IGF2BP3: variants seen among roughly 807,000 people sequenced by gnomAD.
The protein encoded by IGF2BP3 is insulin like growth factor 2 mRNA binding protein 3, also known as insulin-like growth factor 2 mRNA-binding protein 3.
A neutral mutation model predicts 73.8 loss-of-function variants in IGF2BP3; 9 were observed. The observed-to-expected ratio is 0.12, with a 90% CI of 0.07 to 0.21. IGF2BP3 has a LOEUF of 0.21. IGF2BP3 is among the 10% of genes least tolerant of loss of function. IGF2BP3 has a pLI of 1.00. For missense variants in IGF2BP3, 542 were observed against 714.0 expected (o/e 0.76, Z 2.75); for synonymous variants, 258 against 256.7 (o/e 1.01, Z -0.05).
intron 10 of IGF2BP3, among the ~76,000 whole-genome samples, chr7:23,328,918 T>C (rs1451753739): frequency 6.6e-6 from 1 of 151,922 alleles, no homozygotes; most frequent in Admixed American, 6.6e-5. Context: ...TAGTAAAAAT[T>C]TAAAACAAGA....
intron 3 of IGF2BP3, chr7:23,362,512 T>C (rs1012320718): frequency 6.6e-6 from 1 of 152,216 alleles, no homozygotes; most frequent in Non-Finnish European, 1.5e-5. Context: ...AATTTGAAGC[T>C]GTCTATGTTT....
chr7:23,360,229 T>A (rs548581287), intron 5 of IGF2BP3, among the ~76,000 whole-genome samples: 8 of 152,140 alleles, frequency 5.3e-5, no homozygotes, highest in Non-Finnish European at 1.0e-4. Context: ...CATGCTTACA[T>A]ACACACGACA....
rs556188887 is a variant in IGF2BP3, at chr7:23,311,586, CTG to C, written c.*774_*775del. ...TTTGAACATTTGATTTAACTAATAACTGTGTCAAAAGCCTCAAAAAACCCTGA... is the reference window on the plus strand; with the variant it reads ...TTTGAACATTTGATTTAACTAATAACTGTCAAAAGCCTCAAAAAACCCTGA... On this transcript the variant is annotated 3_prime_UTR_variant, in exon 15 of 15. Coordinates refer to ENST00000258729, the MANE Select transcript of IGF2BP3 (RefSeq NM_006547.3). 1.7e-4 allele frequency: 26 copies of C among 152,430 alleles called. No homozygotes were observed. Among genetic ancestry groups the C allele is most frequent in the South Asian group, 4.1e-4 (2 of 4,832 alleles). The allele number at this position is 152,430 out of a possible 1,614,324, so 9.4% of individuals were successfully genotyped here. A position where few individuals can be genotyped will look rare whatever the true frequency, so the allele number is the denominator to read the frequency against.
intron 10 of IGF2BP3, among the ~76,000 whole-genome samples, chr7:23,334,724 C>G (rs900469885): frequency 2.0e-5 from 3 of 152,182 alleles, no homozygotes; most frequent in Admixed American, 6.5e-5. Context: ...CTTGAAATAA[C>G]AGAAGAACAA....
intron 2 of IGF2BP3, among the ~76,000 whole-genome samples, chr7:23,445,480 C>T (rs1218503847): frequency 6.6e-6 from 1 of 150,942 alleles, no homozygotes; most frequent in Non-Finnish European, 1.5e-5. Flanking sequence ...ACGGGTGTTT[C>T]GTATACACTA....
At chr7:23,335,311 C>G (rs1045576446) in intron 10 of IGF2BP3, among the ~76,000 whole-genome samples, 1 of 150,084 alleles carries the variant, frequency 6.7e-6, no homozygotes. Context: ...TGGACAAGGT[C>G]TCACTCTGTC....
intron 5 of IGF2BP3, 85 bp from the exon 6 acceptor site, chr7:23,351,671 C>T (rs1784966246): frequency 1.1e-5 from 16 of 1,397,620 alleles, no homozygotes; most frequent in Non-Finnish European, 1.5e-5. Context: ...ATCTCTTCTA[C>T]TCAGCATTAC....
intron 3 of IGF2BP3, among the ~76,000 whole-genome samples, chr7:23,399,388 A>G (rs1786587625): frequency 6.8e-6 from 1 of 147,776 alleles, no homozygotes; most frequent in African/African-American, 2.6e-5. Context: ...TTAAAGTATA[A>G]TAATAATAAA....
At chr7:23,386,665 A>G (rs565585956) in intron 3 of IGF2BP3, among the ~76,000 whole-genome samples, 1 of 152,372 alleles carries the variant, frequency 6.6e-6, no homozygotes, top group South Asian at 2.1e-4. Context: ...TCCACCCTCA[A>G]GGAGATAGAG....
At chr7:23,320,570 T>C (rs536999375) in intron 10 of IGF2BP3, among the ~76,000 whole-genome samples, 33 of 151,110 alleles carry the variant, frequency 2.2e-4, no homozygotes, top group Non-Finnish European at 4.4e-4. Context: ...GATAAGCTAG[T>C]TCCAAGACAC....
At chr7:23,413,268 G>T (rs780188129) in intron 3 of IGF2BP3, 1 of 151,866 alleles carries the variant, frequency 6.6e-6, no homozygotes, top group Non-Finnish European at 1.5e-5. Context: ...ATCACTTGAG[G>T]TCAGGAGTTC....
chr7:23,453,697 C>T (rs1788251861), intron 2 of IGF2BP3, among the ~76,000 whole-genome samples: 1 of 152,212 alleles, frequency 6.6e-6, no homozygotes, highest in Non-Finnish European at 1.5e-5. Flanking sequence ...CCAATTTACT[C>T]TTTAGCTATA....
rs146313460 is a variant in IGF2BP3 at position 23,348,726 on chromosome 7, G to A, written c.684-992C>T. Among the ~76,000 whole-genome samples the A allele has an allele frequency of 2.0e-3, 303 of 152,204 alleles. 2 individuals carry two copies. The highest frequency in any genetic ancestry group is 7.1e-3 in the African/African-American group (294 of 41,544). ...TCTCTCAACTCTAACAGCTAAAAAT[G>A]TCTCCAGACATTGCCAAATGTCTAC... On this transcript the variant is annotated intron_variant, in intron 6 of 14. Transcript: ENST00000258729.
chr7:23,451,992 CT>C lies in IGF2BP3; in HGVS notation c.236+16489del, dbSNP rs796497374. 6.0e-3 allele frequency among the ~76,000 whole-genome samples: 855 copies of C among 141,886 alleles called. 12 individuals carry two copies. Among genetic ancestry groups the C allele is most frequent in the African/African-American group, 0.019 (745 of 38,828 alleles). The allele number at this position is 141,886 out of a possible 152,430, so 93.1% of individuals were successfully genotyped here. ...AGAATAGGGTATGTTTTCTTTTTTC[CT>C]TTTTTTTTTTTATTTATTTTTTATT... is the stretch of plus-strand genomic sequence containing the variant. On this transcript the variant is annotated intron_variant, in intron 2 of 14. Coordinates refer to ENST00000258729, the MANE Select transcript of IGF2BP3 (RefSeq NM_006547.3).
Position 23,343,946 on chromosome 7 carries a change from T to G in IGF2BP3, c.942-93A>C. The G allele has an allele frequency of 2.4e-6, 3 of 1,267,770 alleles. No individual in the cohort carries two copies. The South Asian group carries it at 4.0e-5, about 17-fold the overall frequency. 78.5% of individuals were successfully genotyped at this position (1,267,770 alleles called of 1,614,324 possible). On this transcript the variant is annotated intron_variant, in intron 8 of 14. Coordinates refer to ENST00000258729, the MANE Select transcript of IGF2BP3 (RefSeq NM_006547.3). The stretch of plus-strand genomic sequence containing the variant: ...ACAGACGGCAATTAAAAACAAACTG[T>G]GGAGCCTGGTAATATGTAAAAGTGG...
At chr7:23,416,871 T>C (rs959922264) in intron 3 of IGF2BP3, among the ~76,000 whole-genome samples, 1 of 152,118 alleles carries the variant, frequency 6.6e-6, no homozygotes, top group African/African-American at 2.4e-5. Flanking sequence ...CTAACCAACG[T>C]GGTAAAATCC....
At chr7:23,394,312 C>A (rs918485194) in intron 3 of IGF2BP3, among the ~76,000 whole-genome samples, 1 of 152,124 alleles carries the variant, frequency 6.6e-6, no homozygotes, top group African/African-American at 2.4e-5. Flanking sequence ...ATAAAAATTA[C>A]AAAATTTAGC....
intron 10 of IGF2BP3, among the ~76,000 whole-genome samples, chr7:23,328,410 A>C (rs1303607829): frequency 6.6e-6 from 1 of 152,100 alleles, no homozygotes; most frequent in East Asian, 1.9e-4. Flanking sequence ...GTTTCACCAT[A>C]CTGGTCAGGC....
At position 23,315,167 on chromosome 7, in the gene IGF2BP3, G is replaced by C. The variant is rs117806616; in HGVS notation, c.1396-1514C>G. 2.4e-3 allele frequency among the ~76,000 whole-genome samples: 368 copies of C among 151,150 alleles called. 1 individual carries two copies. The highest frequency in any genetic ancestry group is 3.4e-3 in the Non-Finnish European group (233 of 67,804). On this transcript the variant is annotated intron_variant, in intron 12 of 14. Transcript: ENST00000258729. ...TAGAGACAGAGTCTCTTTCTCTGTG[G>C]TGCGATCTCAGCACACTGCAACCTC...
Sources: allele counts gnomAD v4.1 joint callset (sites outside exome capture counted in the v4.1 genomes callset), GRCh38; gene constraint gnomAD v4.1.1; transcripts MANE v1.5; gene names NCBI Gene and HGNC (gene_info 2026-07-23, HGNC 2026-07-21).